The following PTPRD variants were observed in gnomAD, a reference collection of about 807,000 sequenced individuals.
The protein encoded by PTPRD is protein tyrosine phosphatase receptor type D.
PTPRD carries 34 observed loss-of-function variants against 214.5 expected under a neutral mutation model. The observed-to-expected ratio is 0.16, with a 90% confidence interval of 0.12 to 0.21. The LOEUF is 0.21. Ranked by LOEUF, PTPRD falls within the 10% of genes least tolerant of loss-of-function variation. PTPRD has a pLI of 1.00. For synonymous variants in PTPRD, 1,128 were observed against 845.7 expected (o/e 1.33, Z -5.79); for missense variants, 2,545 against 2,398.7 (o/e 1.06, Z -1.27).
rs554276050 is a variant in PTPRD, at chr9:9,909,565, C to T, written c.-368+28942G>A. 1.8e-4 allele frequency among the ~76,000 whole-genome samples: 27 copies of T among 151,950 alleles called. 1 individual carries two copies. Among genetic ancestry groups the T allele is most frequent in the Admixed American group, 5.3e-4 (8 of 15,230 alleles). ...ATATGAATTTATTATTAGGCACTAT[C>T]TTAGACATCACTGTAAAATGTATAA... is the stretch of plus-strand genomic sequence containing the variant. On this transcript the variant is annotated intron_variant, in intron 5 of 45. Coordinates refer to ENST00000381196, the MANE Select transcript of PTPRD (RefSeq NM_002839.4).
intron 7 of PTPRD, among the ~76,000 whole-genome samples, chr9:9,714,457 T>C (rs1446578416): frequency 1.3e-5 from 2 of 152,130 alleles, no homozygotes; most frequent in African/African-American, 4.8e-5. Context: ...CATACACATA[T>C]ACAAAATGAA....
At chr9:8,324,773 A>C (rs1287826650) in intron 44 of PTPRD, among the ~76,000 whole-genome samples, 1 of 152,066 alleles carries the variant, frequency 6.6e-6, no homozygotes, top group Non-Finnish European at 1.5e-5. Flanking sequence ...TTGTTTCCTG[A>C]CTTTTTAATG....
intron 5 of PTPRD, among the ~76,000 whole-genome samples, chr9:9,806,647 C>G (rs1032936599): frequency 6.6e-6 from 1 of 152,104 alleles, no homozygotes; most frequent in Admixed American, 6.6e-5. Flanking sequence ...AGCCCACTTG[C>G]GCCCAAGTGA....
rs896554222 is a variant in PTPRD at position 8,315,952 on chromosome 9, AG to A, written c.*1921del. ...GGGGGTAAGATACATATATATATAT[AG>A]TTTATTTCCCCTTTTAGAAAAATCC... On this transcript the variant is annotated 3_prime_UTR_variant, in exon 46 of 46. Transcript: ENST00000381196. The A allele has an allele frequency of 4.4e-4, 96 of 216,024 alleles. No homozygotes were observed. In the East Asian group the frequency reaches 6.1e-3, roughly 14 times the overall value. The allele number at this position is 216,024 out of a possible 1,614,324, so 13.4% of individuals were successfully genotyped here. A position where few individuals can be genotyped will look rare whatever the true frequency, so the allele number is the denominator to read the frequency against.
intron 11 of PTPRD, among the ~76,000 whole-genome samples, chr9:8,739,565 G>C (rs1181581722): frequency 6.6e-6 from 1 of 152,204 alleles, no homozygotes; most frequent in African/African-American, 2.4e-5. Flanking sequence ...GCACTGAACA[G>C]AAAGTCAGTG....
At chr9:9,744,491 G>T (rs1379362442) in intron 6 of PTPRD, among the ~76,000 whole-genome samples, 1 of 151,976 alleles carries the variant, frequency 6.6e-6, no homozygotes, top group Admixed American at 6.6e-5. Context: ...CCTCAATTTA[G>T]TTCAAATATC....
intron 5 of PTPRD, among the ~76,000 whole-genome samples, chr9:9,833,879 G>T (rs868142744): frequency 2.0e-5 from 3 of 151,992 alleles, no homozygotes; most frequent in Non-Finnish European, 4.4e-5. Context: ...CTGTTATCCT[G>T]TTCTTTTTTC....
At chr9:9,698,076 C>T (rs560715031) in intron 7 of PTPRD, among the ~76,000 whole-genome samples, 3 of 152,084 alleles carry the variant, frequency 2.0e-5, no homozygotes, top group African/African-American at 7.2e-5. Flanking sequence ...TAATGAGTTT[C>T]CTTCAGATTA....
At chr9:8,929,799 G>GTA (rs1258460138) in intron 11 of PTPRD, among the ~76,000 whole-genome samples, 3 of 40,210 alleles carry the variant, frequency 7.5e-5, no homozygotes, top group South Asian at 8.7e-4. Context: ...ATATGTGTGT[G>GTA]TATATATGTG....
At chr9:10,534,636 C>T (rs541483399) in intron 2 of PTPRD, among the ~76,000 whole-genome samples, 1 of 152,136 alleles carries the variant, frequency 6.6e-6, no homozygotes, top group East Asian at 1.9e-4. Context: ...TTGTTTAATT[C>T]GTCCTTACTA....
intron 2 of PTPRD, among the ~76,000 whole-genome samples, chr9:10,543,521 TAC>T (rs199937702): frequency 0.023 from 2,951 of 129,814 alleles, 33 homozygotes; most frequent in South Asian, 0.05. Context: ...CACACACACG[TAC>T]ACACACACAC....
intron 25 of PTPRD, among the ~76,000 whole-genome samples, chr9:8,497,923 G>C (rs2097311641): frequency 6.6e-6 from 1 of 152,154 alleles, no homozygotes; most frequent in Non-Finnish European, 1.5e-5. Context: ...AAGCACACTG[G>C]TCATATTGTT....
At chr9:10,597,247 G>GC (rs1335490937) in intron 2 of PTPRD, among the ~76,000 whole-genome samples, 3 of 151,686 alleles carry the variant, frequency 2.0e-5, no homozygotes, top group Non-Finnish European at 4.4e-5. Context: ...TACCAAGACT[G>GC]CCCCTTTTAA....
intron 10 of PTPRD, among the ~76,000 whole-genome samples, chr9:9,154,948 T>C (rs1354408550): frequency 6.6e-6 from 1 of 152,216 alleles, no homozygotes; most frequent in Non-Finnish European, 1.5e-5. Flanking sequence ...ACTCTTATTT[T>C]CTGTCTTGTG....
At position 10,571,668 on chromosome 9, in the gene PTPRD, C is replaced by G. The variant is rs751456168; in HGVS notation, c.-600+40730G>C. Among the ~76,000 whole-genome samples the G allele has an allele frequency of 2.6e-5, 4 of 152,156 alleles. No homozygotes were observed. The East Asian group carries it at 7.7e-4, about 29-fold the overall frequency. ...ATATATAAAACAGTGGTCCCCAAAC[C>G]GTTTTCAGCACCAGGGACCACTTTC... On this transcript the variant is annotated intron_variant, in intron 2 of 45. Transcript: ENST00000381196.
chr9:9,268,353 G>C (rs1212687897), intron 9 of PTPRD, among the ~76,000 whole-genome samples: 1 of 116,938 alleles, frequency 8.6e-6, no homozygotes, highest in Non-Finnish European at 1.9e-5. Flanking sequence ...ATCGATGAAA[G>C]AAATGGAAAA....
intron 9 of PTPRD, among the ~76,000 whole-genome samples, chr9:9,210,536 T>C (rs1226564582): frequency 6.6e-6 from 1 of 152,230 alleles, no homozygotes; most frequent in Non-Finnish European, 1.5e-5. Flanking sequence ...TTAGTTCCAC[T>C]TTTCTCCTTC....
intron 37 of PTPRD, among the ~76,000 whole-genome samples, chr9:8,385,105 A>G (rs2086524636): frequency 6.6e-6 from 1 of 152,246 alleles, no homozygotes; most frequent in Non-Finnish European, 1.5e-5. Context: ...TTCTCAAAAC[A>G]GATGCTAGTG....
chr9:9,542,739 T>C (rs2077893400), intron 8 of PTPRD, among the ~76,000 whole-genome samples: 1 of 151,718 alleles, frequency 6.6e-6, no homozygotes, highest in Non-Finnish European at 1.5e-5. Flanking sequence ...ATTACAGAGA[T>C]GCAAATTAAA....
Sources: allele counts gnomAD v4.1 joint callset (sites outside exome capture counted in the v4.1 genomes callset), GRCh38; gene constraint gnomAD v4.1.1; transcripts MANE v1.5; gene names NCBI Gene and HGNC (gene_info 2026-07-23, HGNC 2026-07-21).